The following ARFGAP3 variants were observed in gnomAD, a reference collection of about 807,000 sequenced individuals.
The protein encoded by ARFGAP3 is ARF GTPase activating protein 3.
A neutral mutation model predicts 75.0 loss-of-function variants in ARFGAP3; 72 were observed. The ratio of observed to expected loss-of-function variants is 0.96; its 90% CI spans 0.79 to 1.17. The LOEUF (loss-of-function observed/expected upper bound fraction) is 1.17. ARFGAP3 is among the 50% of genes most tolerant of loss of function. The pLI, the probability that ARFGAP3 is intolerant of heterozygous loss-of-function variation, is 0.00. For missense variants in ARFGAP3, 620 were observed against 626.6 expected (o/e 0.99, Z 0.11); for synonymous variants, 221 against 217.9 (o/e 1.01, Z -0.13).
Position 42,817,211 on chromosome 22 carries a change from G to C in ARFGAP3, c.995C>G (p.Pro332Arg), listed in dbSNP as rs141235894. The change falls in exon 11 of 16, where the codon CCC becomes CGC. Residue 332 changes from proline (P) to arginine (R), a missense_variant. By Grantham distance (103) the Pro-to-Arg change is moderately radical. Transcript: ENST00000263245. The part of the protein sequence containing the change: ...SDMQTIEQES[P>R]IMAKPRKKYN... Reference sequence around the variant, plus strand: ...CTTTTTTCTTGGTTTTGCCATAATGGGTGATTCCTGCTCTATGGTCTGCAT... The same window carrying C: ...CTTTTTTCTTGGTTTTGCCATAATGCGTGATTCCTGCTCTATGGTCTGCAT... 9.0e-5 allele frequency: 145 copies of C among 1,613,516 alleles called. No individual in the cohort carries two copies. In the Middle Eastern group the frequency reaches 1.5e-3, roughly 17 times the overall value.
At chr22:42,847,438 AG>A (rs926746792) in intron 2 of ARFGAP3, 75 bp downstream of exon 2, 1 of 1,337,676 alleles carries the variant, frequency 7.5e-7, no homozygotes, top group African/African-American at 1.5e-5. Flanking sequence ...TCTCAAAAAA[AG>A]AAAAGAAAAA....
chr22:42,807,039 T>C (rs1490044359), intron 14 of ARFGAP3, 34 bp downstream of exon 14: 1 of 1,572,526 alleles, frequency 6.4e-7, no homozygotes, highest in African/African-American at 1.4e-5. Flanking sequence ...ACCGTAGACA[T>C]GACAGAGACC....
At chr22:42,804,409 G>C (rs1925025988) in intron 14 of ARFGAP3, among the ~76,000 whole-genome samples, 1 of 124,314 alleles carries the variant, frequency 8.0e-6, no homozygotes, top group South Asian at 2.7e-4. Flanking sequence ...TTGAGATGGA[G>C]TCTCGCTCTG....
In ARFGAP3 at chr22:42,817,150, G is replaced by A; in HGVS notation, c.1056C>T (p.Ser352=). The change falls in exon 11 of 16, where the codon TCC becomes TCT. Residue 352 remains serine, a synonymous_variant. Coordinates refer to ENST00000263245, the MANE Select transcript of ARFGAP3 (RefSeq NM_014570.5). ...GATTTGTAATACAGTACCTTGAGCT[G>A]GAAGTAAAATATGAATCGTCACTGT... The part of the protein sequence containing the change: ...NDDSDDSYFT[S]SSSYFDEPVE... 1 of 1,607,670 alleles carries A rather than the reference G, an allele frequency of 6.2e-7. No homozygotes were observed. Among genetic ancestry groups the A allele is most frequent in the South Asian group, 1.1e-5 (1 of 90,892 alleles).
At chr22:42,814,257 A>G (rs1237208005) in intron 11 of ARFGAP3, among the ~76,000 whole-genome samples, 1 of 152,266 alleles carries the variant, frequency 6.6e-6, no homozygotes, top group East Asian at 1.9e-4. Flanking sequence ...TTTGAAAGCA[A>G]TAAGAGCTCT....
At chr22:42,825,950 C>T (rs371149566) in intron 7 of ARFGAP3, among the ~76,000 whole-genome samples, 13 of 152,140 alleles carry the variant, frequency 8.5e-5, no homozygotes, top group African/African-American at 1.7e-4. Flanking sequence ...AATCTTTAGC[C>T]GTGAGTAGAG....
chr22:42,802,696 G>C (rs564327549), intron 14 of ARFGAP3, among the ~76,000 whole-genome samples: 123 of 149,160 alleles, frequency 8.2e-4, no homozygotes, highest in Non-Finnish European at 1.3e-3. Context: ...CCACCTCCCA[G>C]GTTCACGCCA....
At chr22:42,844,026 C>A (rs1034656086) in intron 2 of ARFGAP3, among the ~76,000 whole-genome samples, 2 of 152,126 alleles carry the variant, frequency 1.3e-5, no homozygotes, top group African/African-American at 2.4e-5. Flanking sequence ...AAAAAAAACT[C>A]CAGTTAAATA....
At position 42,813,003 on chromosome 22, in the gene ARFGAP3, G is replaced by A. The variant is rs138287035; in HGVS notation, c.1065-2059C>T. ...CACTGAAGGAACCGGAAGTTACATC[G>A]GAGGAAGGTTCAAAAGATGTGGGAT... On this transcript the variant is annotated intron_variant, in intron 11 of 15. Transcript: ENST00000263245. 1.3e-4 allele frequency among the ~76,000 whole-genome samples: 20 copies of A among 152,354 alleles called. No homozygotes were observed. In the East Asian group the frequency reaches 3.5e-3, roughly 26 times the overall value.
At chr22:42,835,335 G>T (rs771484506) in intron 4 of ARFGAP3, 27 bp downstream of exon 4, 7 of 1,609,168 alleles carry the variant, frequency 4.4e-6, no homozygotes, top group Non-Finnish European at 5.9e-6. Flanking sequence ...GTATCTAAAG[G>T]AAACAATCCA....
intron 7 of ARFGAP3, among the ~76,000 whole-genome samples, chr22:42,824,471 C>T (rs1023916091): frequency 4.6e-5 from 7 of 151,784 alleles, no homozygotes; most frequent in African/African-American, 1.7e-4. Flanking sequence ...ATCCTCTCGT[C>T]TCAGCCTCCC....
chr22:42,842,650 T>C (rs777705637), intron 2 of ARFGAP3, among the ~76,000 whole-genome samples: 1 of 151,958 alleles, frequency 6.6e-6, no homozygotes, highest in African/African-American at 2.4e-5. Context: ...GGTTTTGCCA[T>C]GTTCGCCAGG....
intron 13 of ARFGAP3, among the ~76,000 whole-genome samples, chr22:42,807,519 T>A (rs948498265): frequency 2.6e-5 from 4 of 152,222 alleles, no homozygotes. Flanking sequence ...ATGACACTAT[T>A]TTAAAACTGA....
At chr22:42,801,279 A>G (rs2146522933) in intron 14 of ARFGAP3, among the ~76,000 whole-genome samples, 1 of 152,340 alleles carries the variant, frequency 6.6e-6, no homozygotes, top group South Asian at 2.1e-4. Flanking sequence ...TTGGGCAGCC[A>G]GGAAGAAGAC....
chr22:42,841,356 G>A (rs966902242), intron 2 of ARFGAP3, among the ~76,000 whole-genome samples: 4 of 152,140 alleles, frequency 2.6e-5, no homozygotes, highest in African/African-American at 9.7e-5. Context: ...TGCACTGTTT[G>A]GATGTTTTCA....
Position 42,799,264 on chromosome 22 carries a change from C to T in ARFGAP3, c.1412-104G>A. ...GGCTCCAGAGAACCCGGATCTCTCC[C>T]CTCCTGCTGCCTCACAAGGGGCCCA... On this transcript the variant is annotated intron_variant, in intron 14 of 15. Transcript: ENST00000263245. 4.6e-6 allele frequency: 7 copies of T among 1,532,458 alleles called. 1 individual carries two copies. The highest frequency in any genetic ancestry group is 3.6e-4 in the Middle Eastern group (2 of 5,616). 94.9% of individuals were successfully genotyped at this position (1,532,458 alleles called of 1,614,324 possible). A position where few individuals can be genotyped will look rare whatever the true frequency, so the allele number is the denominator to read the frequency against.
intron 2 of ARFGAP3, among the ~76,000 whole-genome samples, chr22:42,841,851 A>G (rs181254762): frequency 4.6e-4 from 68 of 147,760 alleles, no homozygotes; most frequent in Non-Finnish European, 7.8e-4. Flanking sequence ...TGCTGCCCTT[A>G]TATTTACTAA....
intron 1 of ARFGAP3, among the ~76,000 whole-genome samples, chr22:42,854,531 A>C (rs1427271535): frequency 6.6e-6 from 1 of 152,192 alleles, no homozygotes; most frequent in East Asian, 1.9e-4. Flanking sequence ...AGGCTGATGC[A>C]AGAGAATCGC....
At chr22:42,842,848 A>G (rs1217205457) in intron 2 of ARFGAP3, among the ~76,000 whole-genome samples, 1 of 152,118 alleles carries the variant, frequency 6.6e-6, no homozygotes, top group African/African-American at 2.4e-5. Flanking sequence ...CATCATAAAA[A>G]GGTTCTCCCC....
Sources: gnomAD v4.1 joint callset for allele counts (sites outside exome capture counted in the v4.1 genomes callset) on GRCh38, gnomAD v4.1.1 for gene constraint, MANE v1.5 for transcripts, NCBI Gene and HGNC (gene_info 2026-07-23, HGNC 2026-07-21) for gene names.